The following BANF2 variants were observed in gnomAD, a reference collection of about 807,000 sequenced individuals.
BANF2 encodes the protein barrier-to-autointegration factor-like protein.
In BANF2, 4 loss-of-function variants were observed where a neutral mutation model predicts 8.0. The observed-to-expected ratio is 0.50, with a 90% CI of 0.25 to 1.14. The LOEUF is 1.14. BANF2 is among the 50% of genes most tolerant of loss of function. The probability of loss-of-function intolerance (pLI) is 0.16; values close to 1 mark genes in which losing one functional copy is unlikely to be tolerated. For missense variants in BANF2, 96 were observed against 107.5 expected (o/e 0.89, Z 0.47); for synonymous variants, 50 against 40.6 (o/e 1.23, Z -0.88).
At chr20:17,735,265 A>G (rs1220206221) in intron 3 of BANF2, among the ~76,000 whole-genome samples, 15 of 152,180 alleles carry the variant, frequency 9.9e-5, no homozygotes. Flanking sequence ...GGAGTGTGCT[A>G]GGCCCCGGCT....
chr20:17,735,533 G>A (rs547136363), intron 3 of BANF2, 132 bp from the exon 4 acceptor site: 44 of 1,063,324 alleles, frequency 4.1e-5, no homozygotes, highest in Non-Finnish European at 5.6e-5. Flanking sequence ...GGACTGACAG[G>A]CTCCCTTGAA....
At chr20:17,712,032 A>T (rs945353871) in intron 1 of BANF2, 1 of 152,982 alleles carries the variant, frequency 6.5e-6, no homozygotes, top group African/African-American at 2.4e-5. Context: ...TGTGTCTTCA[A>T]GGCAGTGGGG....
intron 1 of BANF2, among the ~76,000 whole-genome samples, chr20:17,704,652 C>G (rs2037455876): frequency 6.6e-6 from 1 of 152,202 alleles, no homozygotes; most frequent in South Asian, 2.1e-4. Flanking sequence ...AGGCCTCTTC[C>G]TTCTTTAACA....
At position 17,726,181 on chromosome 20, in the gene BANF2, A is replaced by ATTAT. The variant is rs553868765; in HGVS notation, c.126+1049_126+1052dup. Among the ~76,000 whole-genome samples, 504 of 152,044 alleles carry ATTAT rather than the reference A, an allele frequency of 3.3e-3. 7 individuals carry two copies. Among genetic ancestry groups the ATTAT allele is most frequent in the South Asian group, 0.024 (116 of 4,814 alleles). On this transcript the variant is annotated intron_variant, in intron 3 of 3. Coordinates refer to ENST00000246090, the MANE Select transcript of BANF2 (RefSeq NM_178477.5). ...TAAATGAAAAAATTTTTGTACTTTT[A>ATTAT]TTATTTATTTATTTATTTATTTGAG...
Position 17,725,054 on chromosome 20 carries a change from C to A in BANF2, c.29C>A (p.Ala10Asp). 6.2e-7 allele frequency: 1 copy of A among 1,607,476 alleles called. No homozygotes were observed. The highest frequency in any genetic ancestry group is 1.3e-5 in the African/African-American group (1 of 74,952). ...GACAACATGTCTCCCAGGCTGAGAG[C>A]CTTCCTCTCCGAACCCATTGGAGAA... MDNMSPRLR[A>D]FLSEPIGEKD... Residue 10 changes from alanine to aspartate, a missense_variant, in exon 3 of 4, where the codon GCC becomes GAC. Coordinates refer to ENST00000246090, the MANE Select transcript of BANF2 (RefSeq NM_178477.5).
intron 3 of BANF2, among the ~76,000 whole-genome samples, chr20:17,732,930 G>A (rs2037921456): frequency 6.6e-6 from 1 of 152,230 alleles, no homozygotes; most frequent in African/African-American, 2.4e-5. Context: ...CACGACTCCA[G>A]CTTCCCTGGG....
At chr20:17,729,501 C>G (rs2122646816) in intron 3 of BANF2, among the ~76,000 whole-genome samples, 1 of 152,296 alleles carries the variant, frequency 6.6e-6, no homozygotes, top group African/African-American at 2.4e-5. Context: ...CTTTGGGAGG[C>G]CAGGTCAGGC....
intron 3 of BANF2, among the ~76,000 whole-genome samples, chr20:17,733,579 C>T (rs762174315): frequency 7.3e-4 from 111 of 152,274 alleles, no homozygotes; most frequent in Non-Finnish European, 1.2e-3. Context: ...ACACCTACGT[C>T]TACTGGCTCA....
Position 17,735,699 on chromosome 20 carries a change from A to G in BANF2, c.161A>G (p.His54Arg). Reference sequence around the variant, plus strand: ...CTGCTGGGACAATTCCTTCTGATGCACAAGAATGAAGCCGAGTTTCAGAGG... The same window carrying G: ...CTGCTGGGACAATTCCTTCTGATGCGCAAGAATGAAGCCGAGTTTCAGAGG... ...YILLGQFLLMHKNEAEFQRWL... is the reference protein window; with the variant it reads ...YILLGQFLLMRKNEAEFQRWL... Residue 54 changes from histidine (H) to arginine (R), a missense_variant, in exon 4 of 4, where the codon CAC becomes CGC. His to Arg is a conservative substitution (Grantham distance 29). Coordinates refer to ENST00000246090, the MANE Select transcript of BANF2 (RefSeq NM_178477.5). 1 of 1,613,912 alleles carries G rather than the reference A, an allele frequency of 6.2e-7. No individual in the cohort carries two copies.
chr20:17,710,092 C>CTG (rs956085787), intron 1 of BANF2, among the ~76,000 whole-genome samples: 2 of 152,234 alleles, frequency 1.3e-5, no homozygotes, highest in African/African-American at 4.8e-5. Flanking sequence ...GGCCCCAGAG[C>CTG]TGTGCCACCT....
At chr20:17,714,298 A>G (rs1397571445) in intron 1 of BANF2, among the ~76,000 whole-genome samples, 1 of 152,198 alleles carries the variant, frequency 6.6e-6, no homozygotes, top group African/African-American at 2.4e-5. Flanking sequence ...TGAAGGGTGA[A>G]CTAATATGCT....
intron 1 of BANF2, among the ~76,000 whole-genome samples, chr20:17,710,234 G>T (rs569984663): frequency 1.3e-5 from 2 of 152,174 alleles, no homozygotes; most frequent in African/African-American, 2.4e-5. Flanking sequence ...CCCTGGGGGG[G>T]ACATGGGCAG....
chr20:17,728,324 G>A (rs1468389720), intron 3 of BANF2, among the ~76,000 whole-genome samples: 1 of 152,154 alleles, frequency 6.6e-6, no homozygotes, highest in East Asian at 1.9e-4. Context: ...AGGCCTGTGG[G>A]CCACCCTCAC....
intron 3 of BANF2, 46 bp from the exon 4 acceptor site, chr20:17,735,619 T>C (rs745895503): frequency 6.3e-7 from 1 of 1,591,714 alleles, no homozygotes; most frequent in East Asian, 2.2e-5. Flanking sequence ...TGAGCTGGCT[T>C]ATGATAACCT....
chr20:17,728,353 C>T (rs764325562), intron 3 of BANF2, among the ~76,000 whole-genome samples: 9 of 152,186 alleles, frequency 5.9e-5, no homozygotes, highest in Non-Finnish European at 8.8e-5. Context: ...CCCTGGGCTC[C>T]GCACTCAGCC....
chr20:17,697,303 C>T (rs1179067317), upstream of BANF2, among the ~76,000 whole-genome samples: 1 of 152,106 alleles, frequency 6.6e-6, no homozygotes, highest in East Asian at 1.9e-4. Flanking sequence ...CAAATCAGTC[C>T]CCTGGGGGTA....
chr20:17,709,567 C>A (rs2037538465), intron 1 of BANF2, among the ~76,000 whole-genome samples: 1 of 152,138 alleles, frequency 6.6e-6, no homozygotes, highest in African/African-American at 2.4e-5. Flanking sequence ...GGGCAGCCAA[C>A]TGCTGCATCT....
At chr20:17,716,064 G>A (rs577742717) in intron 1 of BANF2, among the ~76,000 whole-genome samples, 4 of 152,140 alleles carry the variant, frequency 2.6e-5, no homozygotes, top group Admixed American at 6.5e-5. Context: ...TGACTCATGT[G>A]GCCCAAGAAG....
At chr20:17,708,749 A>T (rs944514790) in intron 1 of BANF2, among the ~76,000 whole-genome samples, 26 of 152,268 alleles carry the variant, frequency 1.7e-4, no homozygotes, top group Middle Eastern at 6.8e-3. Context: ...TTTTAAGAAG[A>T]TCATTGAAAC....
Sources: allele counts gnomAD v4.1 joint callset (sites outside exome capture counted in the v4.1 genomes callset), GRCh38; gene constraint gnomAD v4.1.1; transcripts MANE v1.5; gene names NCBI Gene and HGNC (gene_info 2026-07-23, HGNC 2026-07-21).